The following ADHFE1 variants were observed in gnomAD, a reference collection of about 807,000 sequenced individuals.
The protein encoded by ADHFE1 is alcohol dehydrogenase iron containing 1.
Under a neutral mutation model 54.8 loss-of-function variants are expected in ADHFE1, and 37 were observed. The observed-to-expected ratio is 0.68, with a 90% CI of 0.52 to 0.89. The LOEUF (loss-of-function observed/expected upper bound fraction) is 0.89. ADHFE1 is among the 40% of genes least tolerant of loss of function. The pLI, the probability that ADHFE1 is intolerant of heterozygous loss-of-function variation, is 0.00. For synonymous variants in ADHFE1, 203 were observed against 229.3 expected (o/e 0.89, Z 1.04); for missense variants, 601 against 591.2 (o/e 1.02, Z -0.17).
intron 1 of ADHFE1, among the ~76,000 whole-genome samples, chr8:66,434,845 G>A (rs1287279244): frequency 6.6e-6 from 1 of 152,224 alleles, no homozygotes; most frequent in Admixed American, 6.5e-5. Flanking sequence ...TGCACAGGGT[G>A]GTGGGTGCCC....
chr8:66,463,424 C>CT (rs777063781), intron 13 of ADHFE1, among the ~76,000 whole-genome samples: 8 of 152,140 alleles, frequency 5.3e-5, no homozygotes, highest in Non-Finnish European at 1.0e-4. Flanking sequence ...CATCTGCTGC[C>CT]TTTTTTCCTC....
intron 1 of ADHFE1, 51 bp from the exon 2 acceptor site, chr8:66,440,111 G>T: frequency 6.4e-7 from 1 of 1,568,996 alleles, no homozygotes; most frequent in South Asian, 1.2e-5. Flanking sequence ...TCATTTTTTG[G>T]TCTCTATTTT....
chr8:66,432,905 A>G (rs1805277587), intron 1 of ADHFE1: 5 of 1,145,336 alleles, frequency 4.4e-6, no homozygotes, highest in Non-Finnish European at 5.4e-6. Context: ...TGCAATTGAC[A>G]CATATTTATT....
At chr8:66,433,009 G>A in intron 1 of ADHFE1, 1 of 654,064 alleles carries the variant, frequency 1.5e-6, no homozygotes, top group Non-Finnish European at 1.9e-6. Flanking sequence ...GGAATGGGAT[G>A]AGGGGACGAG....
intron 13 of ADHFE1, among the ~76,000 whole-genome samples, chr8:66,461,664 AGCTCAGCT>A (rs1806905768): frequency 6.6e-6 from 1 of 151,882 alleles, no homozygotes. Context: ...CTGGGTGAGC[AGCTCAGCT>A]GCAGTTTATC....
At chr8:66,432,598 G>A (rs987328770) in intron 1 of ADHFE1, 23 bp downstream of exon 1, 9 of 1,297,936 alleles carry the variant, frequency 6.9e-6, no homozygotes, top group Non-Finnish European at 8.8e-6. Flanking sequence ...CCGGCGGGCG[G>A]GCAGGGGACC....
At chr8:66,452,138 A>C (rs200024919) in intron 9 of ADHFE1, 33 bp downstream of exon 9, 30 of 1,609,242 alleles carry the variant, frequency 1.9e-5, no homozygotes, top group East Asian at 1.1e-4. Context: ...GAAATAGAAC[A>C]GGAGGCCCAC....
intron 10 of ADHFE1, among the ~76,000 whole-genome samples, chr8:66,455,655 G>T (rs1348399246): frequency 6.6e-6 from 1 of 152,218 alleles, no homozygotes; most frequent in African/African-American, 2.4e-5. Flanking sequence ...AGTGGCTCAC[G>T]CCTCTAATCC....
intron 12 of ADHFE1, among the ~76,000 whole-genome samples, chr8:66,458,929 A>C (rs551048869): frequency 1.2e-4 from 18 of 152,220 alleles, no homozygotes; most frequent in Non-Finnish European, 2.1e-4. Context: ...CACTCCACCT[A>C]ATCCATATTT....
intron 12 of ADHFE1, 103 bp from the exon 13 acceptor site, chr8:66,460,205 G>C: frequency 7.0e-7 from 1 of 1,433,958 alleles, no homozygotes; most frequent in Non-Finnish European, 9.6e-7. Flanking sequence ...GCGTTAGGGA[G>C]ACCCCGTGGG....
chr8:66,439,898 C>T lies in ADHFE1; in HGVS notation c.60-264C>T, dbSNP rs1805659347. On this transcript the variant is annotated intron_variant, in intron 1 of 13. Transcript: ENST00000396623. This position sits in a 1 kb window ranked among gnomAD's most constrained non-coding sequence, Gnocchi z 4.4. ...CCCCAGAGCGTTTATCTCAGCTGCC[C>T]GCAGGCATTTGATAGGAATTGCTAG... Among the ~76,000 whole-genome samples, 1 of 152,084 alleles carries T rather than the reference C, an allele frequency of 6.6e-6. No individual in the cohort carries two copies.
At chr8:66,447,789 A>G (rs538021703) in intron 7 of ADHFE1, among the ~76,000 whole-genome samples, 2 of 152,360 alleles carry the variant, frequency 1.3e-5, no homozygotes, top group African/African-American at 4.8e-5. Context: ...CTGAAAGCAT[A>G]TTGAAATGCC....
rs143729868 is a variant in ADHFE1 at position 66,433,605 on chromosome 8, C to T, written c.59+1030C>T. Among the ~76,000 whole-genome samples, 409 of 152,244 alleles carry T rather than the reference C, an allele frequency of 2.7e-3. 9 individuals are homozygous for T. The highest frequency in any genetic ancestry group is 0.024 in the Admixed American group (368 of 15,294). ...CAAATGGCACAGTCATAATTTGAACCCAGATACTCTGGCTTCACAGTCCTT... is the reference window on the plus strand; with the variant it reads ...CAAATGGCACAGTCATAATTTGAACTCAGATACTCTGGCTTCACAGTCCTT... On this transcript the variant is annotated intron_variant, in intron 1 of 13. Coordinates refer to ENST00000396623, the MANE Select transcript of ADHFE1 (RefSeq NM_144650.3).
At chr8:66,456,499 G>A (rs6651308) in intron 10 of ADHFE1, among the ~76,000 whole-genome samples, 10,724 of 152,246 alleles carry the variant, frequency 0.07, 509 homozygotes, top group East Asian at 0.18. Flanking sequence ...CAGAAACTTC[G>A]AAGTGAATTA....
chr8:66,437,839 T>C (rs1168293125), intron 1 of ADHFE1, among the ~76,000 whole-genome samples: 1 of 152,040 alleles, frequency 6.6e-6, no homozygotes, highest in African/African-American at 2.4e-5. Flanking sequence ...AAAGGGTGTC[T>C]CTCTGCAGCC....
At chr8:66,441,918 G>A (rs1430065667) in intron 2 of ADHFE1, among the ~76,000 whole-genome samples, 1 of 150,474 alleles carries the variant, frequency 6.6e-6, no homozygotes, top group East Asian at 2.0e-4. Flanking sequence ...GTTGCAGTGA[G>A]CCGAGATCCC....
intron 1 of ADHFE1, among the ~76,000 whole-genome samples, chr8:66,436,096 A>T (rs900439368): frequency 1.3e-5 from 2 of 151,646 alleles, no homozygotes; most frequent in African/African-American, 4.8e-5. Context: ...TTGTATTTTT[A>T]GTAGAGATGG....
At chr8:66,468,039 G>C (rs781319580) in intron 13 of ADHFE1, among the ~76,000 whole-genome samples, 1 of 152,172 alleles carries the variant, frequency 6.6e-6, no homozygotes, top group Non-Finnish European at 1.5e-5. Context: ...TTGCCAGGGC[G>C]TAAGGCAAGG....
chr8:66,444,612 G>A lies in ADHFE1; in HGVS notation c.217G>A (p.Ala73Thr), dbSNP rs1156673187. ...EVGMDLKNMG[A>T]KNVCLMTDKN... ...CTTGTAGGACCTAAAAAACATGGGTGCTAAAAATGTGTGCTTGATGACAGA... is the reference window on the plus strand; with the variant it reads ...CTTGTAGGACCTAAAAAACATGGGTACTAAAAATGTGTGCTTGATGACAGA... The change falls in exon 5 of 14, where the codon GCT becomes ACT. Residue 73 changes from alanine (A) to threonine (T), a missense_variant. Coordinates refer to ENST00000396623, the MANE Select transcript of ADHFE1 (RefSeq NM_144650.3). 1 of 1,614,180 alleles carries A rather than the reference G, an allele frequency of 6.2e-7. No individual in the cohort carries two copies. Among genetic ancestry groups the A allele is most frequent in the Middle Eastern group, 1.6e-4 (1 of 6,062 alleles).
Sources: gnomAD v4.1 joint callset for allele counts (sites outside exome capture counted in the v4.1 genomes callset) on GRCh38, gnomAD v4.1.1 for gene constraint, Gnocchi (gnomAD v3.1) non-coding constraint, MANE v1.5 for transcripts, NCBI Gene and HGNC (gene_info 2026-07-23, HGNC 2026-07-21) for gene names.